WDR27: variants seen among roughly 807,000 people sequenced by gnomAD.
WDR27 encodes the protein WD repeat-containing protein 27.
A neutral mutation model predicts 114.4 loss-of-function variants in WDR27; 100 were observed. The ratio of observed to expected loss-of-function variants is 0.87; its 90% confidence interval spans 0.74 to 1.03. WDR27 has a LOEUF of 1.03. Ranked by LOEUF, WDR27 falls within the 50% of genes least tolerant of loss-of-function variation. WDR27 has a pLI of 0.00. For synonymous variants in WDR27, 449 were observed against 423.1 expected (o/e 1.06, Z -0.75); for missense variants, 1,129 against 1,092.9 (o/e 1.03, Z -0.47).
At chr6:169,593,774 G>A (rs945679148) in intron 23 of WDR27, among the ~76,000 whole-genome samples, 10 of 152,186 alleles carry the variant, frequency 6.6e-5, no homozygotes, top group African/African-American at 1.2e-4. Context: ...TCTTGAACCC[G>A]GGAGGCGGAG....
At chr6:169,558,202 G>A (rs1444834063) in intron 25 of WDR27, 1 of 152,002 alleles carries the variant, frequency 6.6e-6, no homozygotes, top group Non-Finnish European at 1.5e-5. Context: ...GTGATCTTGT[G>A]TCAGAGTATG....
At chr6:169,654,717 A>AG (rs1562828529) in intron 13 of WDR27, among the ~76,000 whole-genome samples, 6 of 127,550 alleles carry the variant, frequency 4.7e-5, no homozygotes, top group African/African-American at 1.2e-4. Context: ...CGCGCACAGG[A>AG]GAAGGAGGCG....
intron 8 of WDR27, 92 bp from the exon 9 acceptor site, chr6:169,662,516 T>C: frequency 6.6e-7 from 1 of 1,511,458 alleles, no homozygotes; most frequent in African/African-American, 1.4e-5. Context: ...GATGCTGCAG[T>C]GAATGTGCAC....
intron 1 of WDR27, among the ~76,000 whole-genome samples, chr6:169,695,464 G>A (rs761805331): frequency 7.9e-5 from 12 of 152,218 alleles, no homozygotes; most frequent in Non-Finnish European, 1.6e-4. Context: ...TTTCTTTCAA[G>A]TAACTGTGGA....
In WDR27 at chr6:169,464,510, A is replaced by G. The variant is rs1785298222; in HGVS notation, c.2646-6876T>C. ...GGATATGACAACAAAGGCCCAGGCA[A>G]TCAGAGAAAAAATAGACAAGTGGAA... On this transcript the variant is annotated intron_variant, in intron 25 of 25. Coordinates refer to ENST00000448612, the MANE Select transcript of WDR27 (RefSeq NM_182552.5). 4.6e-5 allele frequency among the ~76,000 whole-genome samples: 7 copies of G among 152,234 alleles called. No individual in the cohort carries two copies. The South Asian group carries it at 1.4e-3, about 31-fold the overall frequency.
chr6:169,480,321 C>T (rs967958784), intron 25 of WDR27, among the ~76,000 whole-genome samples: 4 of 152,202 alleles, frequency 2.6e-5, no homozygotes, highest in Admixed American at 2.6e-4. Flanking sequence ...AGCCCCACCC[C>T]TGCCACTCCC....
intron 25 of WDR27, among the ~76,000 whole-genome samples, chr6:169,486,387 G>A (rs1290945352): frequency 6.6e-6 from 1 of 152,114 alleles, no homozygotes; most frequent in Non-Finnish European, 1.5e-5. Flanking sequence ...TGCAGCACAG[G>A]CTGTGAATGT....
At chr6:169,647,906 C>T in intron 15 of WDR27, 36 bp from the exon 16 acceptor site, 1 of 1,426,488 alleles carries the variant, frequency 7.0e-7, no homozygotes, top group Non-Finnish European at 9.5e-7. Flanking sequence ...GATCGGGAGA[C>T]ATTCACAGTG....
intron 17 of WDR27, among the ~76,000 whole-genome samples, chr6:169,641,278 C>G (rs1322052084): frequency 6.6e-6 from 1 of 152,212 alleles, no homozygotes; most frequent in South Asian, 2.1e-4. Context: ...CGCTGCGGGC[C>G]GCAGGGTGCA....
chr6:169,472,824 T>C (rs1466213655), intron 25 of WDR27, among the ~76,000 whole-genome samples: 1 of 152,148 alleles, frequency 6.6e-6, no homozygotes, highest in African/African-American at 2.4e-5. Context: ...TATTTAAAAG[T>C]CCCAAAATAA....
At position 169,601,148 on chromosome 6, in the gene WDR27, G is replaced by A. The variant is rs375243063; in HGVS notation, c.2424+1071C>T. On this transcript the variant is annotated intron_variant, in intron 23 of 25. Transcript: ENST00000448612. ...ACTCTACAAGCCAGAAGAGAGTGGGGGCCAATATTCAACATTCTTAAAGAA... is the reference window on the plus strand; with the variant it reads ...ACTCTACAAGCCAGAAGAGAGTGGGAGCCAATATTCAACATTCTTAAAGAA... Among the ~76,000 whole-genome samples, 60 of 152,232 alleles carry A rather than the reference G, an allele frequency of 3.9e-4. 1 individual carries two copies. The East Asian group carries it at 0.01, about 26-fold the overall frequency.
At chr6:169,612,232 C>T (rs771407911) in intron 22 of WDR27, among the ~76,000 whole-genome samples, 43 of 150,208 alleles carry the variant, frequency 2.9e-4, no homozygotes, top group Non-Finnish European at 4.9e-4. Context: ...GAGATCGAGA[C>T]CACGGTGAGA....
intron 25 of WDR27, among the ~76,000 whole-genome samples, chr6:169,530,568 T>C (rs79006673): frequency 0.06 from 9,212 of 152,302 alleles, 360 homozygotes; most frequent in African/African-American, 0.11. Flanking sequence ...TATGAAAGCA[T>C]GACACAACCT....
chr6:169,675,409 G>A (rs897046232), intron 2 of WDR27, among the ~76,000 whole-genome samples: 4 of 152,116 alleles, frequency 2.6e-5, no homozygotes, highest in African/African-American at 7.2e-5. Flanking sequence ...TTGGTGCCAT[G>A]CTTGTGTCGA....
chr6:169,542,806 T>C (rs1213625861), intron 25 of WDR27, among the ~76,000 whole-genome samples: 1 of 152,086 alleles, frequency 6.6e-6, no homozygotes, highest in Non-Finnish European at 1.5e-5. Context: ...CTAATAAAAA[T>C]ATTATGCAAG....
At chr6:169,471,992 C>G (rs1786471389) in intron 25 of WDR27, among the ~76,000 whole-genome samples, 1 of 152,082 alleles carries the variant, frequency 6.6e-6, no homozygotes, top group African/African-American at 2.4e-5. Context: ...GAGGGTGGAG[C>G]CCTCATGACT....
chr6:169,440,862 C>T, the WDR27 span, among the ~76,000 whole-genome samples: 1 of 152,216 alleles, frequency 6.6e-6, no homozygotes, highest in Non-Finnish European at 1.5e-5. Context: ...TCCATGGCTA[C>T]AACAAGTCTT....
chr6:169,447,339 C>A, the WDR27 span, among the ~76,000 whole-genome samples: 1 of 152,106 alleles, frequency 6.6e-6, no homozygotes, highest in East Asian at 1.9e-4. Context: ...CTCAACAAAT[C>A]TTTTATAAAA....
intron 25 of WDR27, among the ~76,000 whole-genome samples, chr6:169,504,320 AAG>A (rs1468341866): frequency 2.6e-5 from 4 of 152,194 alleles, no homozygotes; most frequent in Non-Finnish European, 5.9e-5. Context: ...CTTGAATTGT[AAG>A]AGTCCATGTG....
Sources: allele counts gnomAD v4.1 joint callset (sites outside exome capture counted in the v4.1 genomes callset), GRCh38; gene constraint gnomAD v4.1.1; transcripts MANE v1.5; gene names NCBI Gene and HGNC (gene_info 2026-07-23, HGNC 2026-07-21).